The following ST6GALNAC3 variants were observed in gnomAD, a reference collection of about 807,000 sequenced individuals.
ST6GALNAC3 encodes ST6 N-acetylgalactosaminide alpha-2,6-sialyltransferase 3.
A neutral mutation model predicts 32.7 loss-of-function variants in ST6GALNAC3; 25 were observed. That is an observed-to-expected ratio of 0.76 (90% CI 0.56 to 1.07). The LOEUF (loss-of-function observed/expected upper bound fraction) is 1.07, where lower values mean the gene tolerates loss of function less well. Among genes scored for constraint, ST6GALNAC3 ranks in the 50% least tolerant of loss-of-function variants. The pLI, the probability that ST6GALNAC3 is intolerant of heterozygous loss-of-function variation, is 0.00. For synonymous variants in ST6GALNAC3, 129 were observed against 133.1 expected (o/e 0.97, Z 0.21); for missense variants, 355 against 382.4 (o/e 0.93, Z 0.60).
At chr1:76,335,651 A>G (rs1189201672) in intron 2 of ST6GALNAC3, among the ~76,000 whole-genome samples, 1 of 152,216 alleles carries the variant, frequency 6.6e-6, no homozygotes, top group African/African-American at 2.4e-5. Flanking sequence ...AATGCTGTTA[A>G]ATAAAATGAT....
At chr1:76,345,372 C>T (rs1411086003) in intron 2 of ST6GALNAC3, among the ~76,000 whole-genome samples, 1 of 151,770 alleles carries the variant, frequency 6.6e-6, no homozygotes, top group Admixed American at 6.6e-5. Context: ...AGGGAGAGCA[C>T]AGAGTAGAGA....
intron 3 of ST6GALNAC3, among the ~76,000 whole-genome samples, chr1:76,580,435 T>C (rs1249157269): frequency 1.3e-5 from 2 of 152,162 alleles, no homozygotes; most frequent in East Asian, 1.9e-4. Flanking sequence ...TGGAGATAGC[T>C]CCTGAAGGAG....
intron 1 of ST6GALNAC3, among the ~76,000 whole-genome samples, chr1:76,262,876 C>T (rs1557736222): frequency 6.6e-6 from 1 of 152,140 alleles, no homozygotes; most frequent in African/African-American, 2.4e-5. Context: ...TATTTCACAA[C>T]CTCTTGGATT....
intron 3 of ST6GALNAC3, among the ~76,000 whole-genome samples, chr1:76,618,619 G>T (rs1258349330): frequency 6.6e-6 from 1 of 152,098 alleles, no homozygotes; most frequent in African/African-American, 2.4e-5. Flanking sequence ...TCTGTGATCA[G>T]CTATAACTCT....
chr1:76,418,256 C>G (rs909604840), intron 3 of ST6GALNAC3, among the ~76,000 whole-genome samples: 1 of 152,072 alleles, frequency 6.6e-6, no homozygotes, highest in Non-Finnish European at 1.5e-5. Context: ...GGTTTGCAAA[C>G]CTTTAGTAAT....
chr1:76,508,012 A>G (rs1661584506), intron 3 of ST6GALNAC3, among the ~76,000 whole-genome samples: 1 of 152,070 alleles, frequency 6.6e-6, no homozygotes, highest in Non-Finnish European at 1.5e-5. Flanking sequence ...TTTGATTTGG[A>G]CTTTCCTGTT....
At chr1:76,471,118 CT>C (rs1387140641) in intron 3 of ST6GALNAC3, among the ~76,000 whole-genome samples, 2 of 152,216 alleles carry the variant, frequency 1.3e-5, no homozygotes, top group Admixed American at 1.3e-4. Context: ...CCTTGGTTAA[CT>C]TTCTTCAATC....
intron 1 of ST6GALNAC3, among the ~76,000 whole-genome samples, chr1:76,300,359 T>G (rs1660655905): frequency 6.6e-6 from 1 of 152,002 alleles, no homozygotes; most frequent in South Asian, 2.1e-4. Flanking sequence ...TGCAAAGCTG[T>G]GCTGCAAACC....
intron 2 of ST6GALNAC3, among the ~76,000 whole-genome samples, chr1:76,361,535 G>A (rs922079750): frequency 6.6e-6 from 1 of 151,996 alleles, no homozygotes; most frequent in Non-Finnish European, 1.5e-5. Context: ...TTTTAACTAA[G>A]TGTATTTGAA....
intron 3 of ST6GALNAC3, among the ~76,000 whole-genome samples, chr1:76,483,263 T>C (rs1214893519): frequency 1.3e-5 from 2 of 152,160 alleles, no homozygotes; most frequent in Non-Finnish European, 1.5e-5. Flanking sequence ...CTGGGTCAAA[T>C]GGTATTTCTA....
At chr1:76,098,702 A>G (rs1057007907) in intron 1 of ST6GALNAC3, among the ~76,000 whole-genome samples, 7 of 152,162 alleles carry the variant, frequency 4.6e-5, no homozygotes, top group South Asian at 4.1e-4. Context: ...ATGTGTTGCA[A>G]ATATCTTCTT....
At chr1:76,296,825 C>T (rs1223833305) in intron 1 of ST6GALNAC3, among the ~76,000 whole-genome samples, 3 of 151,940 alleles carry the variant, frequency 2.0e-5, no homozygotes, top group African/African-American at 7.3e-5. Flanking sequence ...ATACTTTCTG[C>T]TGCCATCAAC....
chr1:76,156,832 C>A (rs989209353), intron 1 of ST6GALNAC3, among the ~76,000 whole-genome samples: 4 of 152,128 alleles, frequency 2.6e-5, no homozygotes, highest in African/African-American at 9.7e-5. Context: ...CCCGGGTTCA[C>A]GCCATTCTCC....
At chr1:76,268,833 G>A (rs900982860) in intron 1 of ST6GALNAC3, among the ~76,000 whole-genome samples, 3 of 152,148 alleles carry the variant, frequency 2.0e-5, no homozygotes, top group Non-Finnish European at 2.9e-5. Context: ...CCCACCTTCC[G>A]TGGCTCAGCT....
chr1:76,522,976 A>G (rs868481273), intron 3 of ST6GALNAC3, among the ~76,000 whole-genome samples: 17 of 152,280 alleles, frequency 1.1e-4, no homozygotes, highest in African/African-American at 3.6e-4. Flanking sequence ...TCTTGTGCGC[A>G]ACCATTCCCA....
At chr1:76,622,137 A>G (rs1648685549) in intron 3 of ST6GALNAC3, among the ~76,000 whole-genome samples, 1 of 151,820 alleles carries the variant, frequency 6.6e-6, no homozygotes, top group Non-Finnish European at 1.5e-5. Flanking sequence ...AGAAAGAAAC[A>G]GTAGAACTGA....
At chr1:76,405,017 A>G (rs1653719098) in intron 2 of ST6GALNAC3, among the ~76,000 whole-genome samples, 1 of 152,140 alleles carries the variant, frequency 6.6e-6, no homozygotes. Flanking sequence ...TATCAAATAG[A>G]AATTCATTTT....
chr1:76,300,411 G>A (rs1660660120), intron 1 of ST6GALNAC3, among the ~76,000 whole-genome samples: 1 of 151,776 alleles, frequency 6.6e-6, no homozygotes, highest in African/African-American at 2.4e-5. Flanking sequence ...AAGGTCCCTC[G>A]GTTATCATTA....
chr1:76,211,499 A>T (rs500495), intron 1 of ST6GALNAC3, among the ~76,000 whole-genome samples: 71,463 of 152,178 alleles, frequency 0.47, 19,186 homozygotes, highest in East Asian at 0.86. Context: ...ATGTTTATTG[A>T]GGCACTATTC....
Sources: gnomAD v4.1 joint callset for allele counts (sites outside exome capture counted in the v4.1 genomes callset) on GRCh38, gnomAD v4.1.1 for gene constraint, MANE v1.5 for transcripts, NCBI Gene and HGNC (gene_info 2026-07-23, HGNC 2026-07-21) for gene names.